Variants in ZC4H2 observed in about 807,000 individuals in gnomAD.
ZC4H2 encodes the protein zinc finger C4H2 domain-containing protein.
For synonymous variants in ZC4H2, 84 were observed against 66.3 expected (o/e 1.27, Z -1.30); for missense variants, 137 against 173.9 (o/e 0.79, Z 1.19).
At chrX:64,934,498 A>G (rs1929901732) in intron 1 of ZC4H2, among the ~76,000 whole-genome samples, 2 of 112,082 alleles carry the variant, frequency 1.8e-5, no homozygotes, top group Admixed American at 9.5e-5. Context: ...GGTCTGCAGC[A>G]ATATCCTCTA....
rs187800150 is a variant in ZC4H2, at chrX:64,950,050, T to G, written c.53+26275A>C. 4.5e-4 allele frequency among the ~76,000 whole-genome samples: 50 copies of G among 112,198 alleles called. No homozygotes were observed. The East Asian group carries it at 0.014, about 31-fold the overall frequency. On this transcript the variant is annotated intron_variant, in intron 1 of 4. Transcript: ENST00000374839. ...CCCAGAGGTTCTGGTATGTTGTATC[T>G]TTGTTCACGTTGGTTTCAAAGAACA...
intron 1 of ZC4H2, among the ~76,000 whole-genome samples, chrX:65,020,045 C>T (rs1251092660): frequency 9.0e-6 from 1 of 111,667 alleles, no homozygotes; most frequent in Non-Finnish European, 1.9e-5. Flanking sequence ...TGTGAAAAGA[C>T]CAAATCTACG....
intron 1 of ZC4H2, among the ~76,000 whole-genome samples, chrX:64,954,785 A>T (rs995943875): frequency 9.0e-6 from 1 of 110,946 alleles, no homozygotes; most frequent in Non-Finnish European, 1.9e-5. Flanking sequence ...TAGAACAGAA[A>T]GTTATGGAAT....
chrX:64,929,317 G>C (rs1471144135), intron 1 of ZC4H2, among the ~76,000 whole-genome samples: 1 of 111,447 alleles, frequency 9.0e-6, no homozygotes, highest in Non-Finnish European at 1.9e-5. Context: ...CCACTCTATA[G>C]GCTGTCTGTT....
At chrX:64,993,496 G>A (rs1181038590) in intron 1 of ZC4H2, among the ~76,000 whole-genome samples, 1 of 111,364 alleles carries the variant, frequency 9.0e-6, no homozygotes, top group Non-Finnish European at 1.9e-5. Flanking sequence ...AGAGGCCAGA[G>A]AGAGGTTCAT....
At chrX:65,012,508 A>T (rs984330724) in intron 1 of ZC4H2, among the ~76,000 whole-genome samples, 6 of 110,763 alleles carry the variant, frequency 5.4e-5, no homozygotes, top group African/African-American at 2.0e-4. Flanking sequence ...GCTCTCATTC[A>T]CTCTCTCTTG....
intron 3 of ZC4H2, 38 bp downstream of exon 3, chrX:64,920,043 G>T (rs1929121848): frequency 8.4e-7 from 1 of 1,187,036 alleles, no homozygotes; most frequent in Admixed American, 2.3e-5. Context: ...TGGGTCGGAG[G>T]GAGGGTATGT....
At chrX:65,009,422 C>T (rs1932722680) in intron 1 of ZC4H2, among the ~76,000 whole-genome samples, 1 of 111,763 alleles carries the variant, frequency 8.9e-6, no homozygotes, top group Admixed American at 9.5e-5. Context: ...TCTGCCAGTG[C>T]AACTGCTGTC....
At chrX:65,027,156 T>G (rs906268040) in intron 1 of ZC4H2, among the ~76,000 whole-genome samples, 1 of 112,003 alleles carries the variant, frequency 8.9e-6, no homozygotes, top group Non-Finnish European at 1.9e-5. Flanking sequence ...AGCACAGAAT[T>G]GCAAGTAGTA....
chrX:64,944,798 T>A (rs1930454131), intron 1 of ZC4H2, among the ~76,000 whole-genome samples: 1 of 112,140 alleles, frequency 8.9e-6, no homozygotes, highest in South Asian at 3.7e-4. Flanking sequence ...TTTTCTCTAA[T>A]CTTGTCTTCA....
intron 1 of ZC4H2, among the ~76,000 whole-genome samples, chrX:64,966,229 C>A (rs779419120): frequency 8.9e-6 from 1 of 111,943 alleles, no homozygotes; most frequent in African/African-American, 3.2e-5. Context: ...TAGGAATATG[C>A]AAGTTAAAAC....
At chrX:64,955,045 T>C (rs1416134784) in intron 1 of ZC4H2, among the ~76,000 whole-genome samples, 2 of 111,596 alleles carry the variant, frequency 1.8e-5, no homozygotes, top group African/African-American at 3.3e-5. Flanking sequence ...AAAGCTTTTG[T>C]TATTAAAGGT....
chrX:65,033,853 C>T (rs1441394732), intron 1 of ZC4H2, among the ~76,000 whole-genome samples: 1 of 111,029 alleles, frequency 9.0e-6, no homozygotes, highest in Admixed American at 9.5e-5. Context: ...CTTCGGGAGG[C>T]GGAGGCGGGC....
intron 1 of ZC4H2, among the ~76,000 whole-genome samples, chrX:64,944,631 C>A (rs12388415): frequency 9.0e-6 from 1 of 111,082 alleles, no homozygotes; most frequent in Admixed American, 9.6e-5. Context: ...GCCTGTCTTG[C>A]TAAGTTGGGG....
intron 2 of ZC4H2, among the ~76,000 whole-genome samples, 161 bp downstream of exon 2, chrX:64,921,656 G>T (rs1929198668): frequency 9.0e-6 from 1 of 111,705 alleles, no homozygotes; most frequent in African/African-American, 3.3e-5. Flanking sequence ...GACAGAGCCA[G>T]GGCTGGATCT....
intron 1 of ZC4H2, among the ~76,000 whole-genome samples, chrX:65,012,033 G>A (rs1369991072): frequency 9.2e-6 from 1 of 108,458 alleles, no homozygotes; most frequent in Non-Finnish European, 1.9e-5. Flanking sequence ...CATTAATGTA[G>A]TTGTTTGGCA....
intron 1 of ZC4H2, among the ~76,000 whole-genome samples, chrX:64,923,744 A>G (rs1480670378): frequency 9.4e-6 from 1 of 106,948 alleles, no homozygotes; most frequent in Non-Finnish European, 1.9e-5. Context: ...CCATTTGTAG[A>G]GAAGGGAATT....
chrX:65,032,784 T>A (rs1401320702), intron 1 of ZC4H2, among the ~76,000 whole-genome samples: 1 of 108,501 alleles, frequency 9.2e-6, no homozygotes, highest in African/African-American at 3.4e-5. Flanking sequence ...CTTCCTTCTT[T>A]CTTTTTTTTG....
intron 1 of ZC4H2, among the ~76,000 whole-genome samples, chrX:64,963,120 A>C (rs984456297): frequency 1.1e-4 from 12 of 111,613 alleles, no homozygotes; most frequent in African/African-American, 2.9e-4. Context: ...AGAGCCCAGA[A>C]ATGAATCCAC....
Sources: gnomAD v4.1 joint callset for allele counts (sites outside exome capture counted in the v4.1 genomes callset) on GRCh38, gnomAD v4.1.1 for gene constraint, MANE v1.5 for transcripts, NCBI Gene and HGNC (gene_info 2026-07-23, HGNC 2026-07-21) for gene names.